The following CNTNAP3B variants were observed in gnomAD, a reference collection of about 807,000 sequenced individuals.
CNTNAP3B encodes contactin associated protein family member 3B.
Under a neutral mutation model 108.9 loss-of-function variants are expected in CNTNAP3B, and 25 were observed. That is an observed-to-expected ratio of 0.23 (90% CI 0.17 to 0.32). The LOEUF (loss-of-function observed/expected upper bound fraction) is 0.32. Ranked by LOEUF, CNTNAP3B falls within the 10% of genes least tolerant of loss-of-function variation. CNTNAP3B has a pLI of 1.00. For missense variants in CNTNAP3B, 252 were observed against 1,210.4 expected (o/e 0.21, Z 11.75); for synonymous variants, 103 against 473.4 (o/e 0.22, Z 10.16).
At chr9:41,995,558 AC>A (rs1213722468) in intron 7 of CNTNAP3B, among the ~76,000 whole-genome samples, 1 of 134,076 alleles carries the variant, frequency 7.5e-6, no homozygotes, top group African/African-American at 3.0e-5. Context: ...ACATGGTGAA[AC>A]CCCGTCTCTA....
Position 42,086,090 on chromosome 9 carries a change from T to C in CNTNAP3B, c.197-9028A>G, listed in dbSNP as rs1238502456. On this transcript the variant is annotated intron_variant, in intron 2 of 23. Coordinates refer to ENST00000377561, the MANE Select transcript of CNTNAP3B (RefSeq NM_001201380.3). ...TAATGGATTCACATTTCCATGTGGCTGAGGAGGCCTCACAATCATGGCAGA... is the reference window on the plus strand; with the variant it reads ...TAATGGATTCACATTTCCATGTGGCCGAGGAGGCCTCACAATCATGGCAGA... 1.4e-5 allele frequency among the ~76,000 whole-genome samples: 2 copies of C among 140,354 alleles called. 1 individual carries two copies. Among genetic ancestry groups the C allele is most frequent in the Middle Eastern group, 6.6e-3 (2 of 304 alleles). The allele number at this position is 140,354 out of a possible 152,430, so 92.1% of individuals were successfully genotyped here. A position where few individuals can be genotyped will look rare whatever the true frequency, so the allele number is the denominator to read the frequency against.
Position 42,129,157 on chromosome 9 carries a change from C to T in CNTNAP3B, c.-63G>A. 6.6e-7 allele frequency: 1 copy of T among 1,507,144 alleles called. No homozygotes were observed. Among genetic ancestry groups the T allele is most frequent in the Non-Finnish European group, 8.9e-7 (1 of 1,120,878 alleles). The allele number at this position is 1,507,144 out of a possible 1,614,324, so 93.4% of individuals were successfully genotyped here. ...CGACGGCCGCTCTGCGTCGTTCCTG[C>T]TCTCACTCCCGCTCTCACTCCCGTC... On this transcript the variant is annotated 5_prime_UTR_variant, in exon 1 of 24. Transcript: ENST00000377561.
chr9:42,076,743 CA>C lies in CNTNAP3B; in HGVS notation c.390+125del, dbSNP rs2118614192. ...TATTTAATGGTATAAGATTCTCTTT[CA>C]ATGCTTTCAATGAAATAGGTATCTT... On this transcript the variant is annotated intron_variant, in intron 3 of 23. Coordinates refer to ENST00000377561, the MANE Select transcript of CNTNAP3B (RefSeq NM_001201380.3). The C allele has an allele frequency of 3.4e-6, 2 of 593,888 alleles. 1 individual carries two copies. The highest frequency in any genetic ancestry group is 4.3e-5 in the South Asian group (2 of 46,516). 36.8% of individuals were successfully genotyped at this position (593,888 alleles called of 1,614,324 possible).
At chr9:41,968,689 C>T (rs1460799165) in intron 10 of CNTNAP3B, among the ~76,000 whole-genome samples, 1 of 141,732 alleles carries the variant, frequency 7.1e-6, no homozygotes. Flanking sequence ...AAATTAAAAC[C>T]TGTTTAGCCA....
At chr9:42,044,478 T>A (rs1826827269) in intron 3 of CNTNAP3B, among the ~76,000 whole-genome samples, 1 of 131,232 alleles carries the variant, frequency 7.6e-6, no homozygotes, top group Non-Finnish European at 1.6e-5. Flanking sequence ...AATAGCCTTT[T>A]ATGGGGATTC....
At chr9:42,071,205 G>A (rs1345679543) in intron 3 of CNTNAP3B, among the ~76,000 whole-genome samples, 1 of 145,196 alleles carries the variant, frequency 6.9e-6, no homozygotes, top group African/African-American at 2.7e-5. Context: ...GGCGGGTGGG[G>A]TGGGGAGGGC....
At chr9:41,933,667 A>T (rs1436791965) in intron 14 of CNTNAP3B, among the ~76,000 whole-genome samples, 2 of 152,250 alleles carry the variant, frequency 1.3e-5, no homozygotes, top group Admixed American at 1.3e-4. Context: ...ATATTTCTTT[A>T]TATTATTTTG....
At position 42,075,696 on chromosome 9, in the gene CNTNAP3B, C is replaced by T. The variant is rs1000076866; in HGVS notation, c.390+1173G>A. 1.2e-4 allele frequency among the ~76,000 whole-genome samples: 16 copies of T among 128,216 alleles called. No homozygotes were observed. In the East Asian group the frequency reaches 3.1e-3, roughly 25 times the overall value. 84.1% of individuals were successfully genotyped at this position (128,216 alleles called of 152,430 possible). ...GGAAGAAAGAGCCAAATTACAAATA[C>T]GATGCAGACTCTATATGAGTCTTCT... On this transcript the variant is annotated intron_variant, in intron 3 of 23. Transcript: ENST00000377561.
chr9:41,940,314 GAAACA>G (rs1257253265), intron 13 of CNTNAP3B, among the ~76,000 whole-genome samples: 2 of 152,374 alleles, frequency 1.3e-5, no homozygotes, highest in African/African-American at 2.4e-5. Flanking sequence ...GAACTTTTTG[GAAACA>G]AAACAAAACA....
chr9:41,933,261 G>A (rs879847798), intron 14 of CNTNAP3B, among the ~76,000 whole-genome samples: 3 of 152,292 alleles, frequency 2.0e-5, no homozygotes, highest in Non-Finnish European at 2.9e-5. Flanking sequence ...AGGATGCTCA[G>A]CAGCACCCTG....
Position 42,042,308 on chromosome 9 carries a change from G to A in CNTNAP3B, c.391-28783C>T, listed in dbSNP as rs1587224500. Among the ~76,000 whole-genome samples, 4 of 121,496 alleles carry A rather than the reference G, an allele frequency of 3.3e-5. 1 individual carries two copies. The East Asian group carries it at 1.2e-3, about 36-fold the overall frequency. The allele number at this position is 121,496 out of a possible 152,430, so 79.7% of individuals were successfully genotyped here. On this transcript the variant is annotated intron_variant, in intron 3 of 23. Transcript: ENST00000377561. ...CCTGTTCTAGATAGATAAACCTCTAGATATTAGAGAGTTGTCAATTTTCGC... is the reference window on the plus strand; with the variant it reads ...CCTGTTCTAGATAGATAAACCTCTAAATATTAGAGAGTTGTCAATTTTCGC...
chr9:42,103,185 A>G (rs1320777553), intron 2 of CNTNAP3B, among the ~76,000 whole-genome samples: 1 of 137,762 alleles, frequency 7.3e-6, no homozygotes, highest in Non-Finnish European at 1.5e-5. Flanking sequence ...GATAATGACC[A>G]TCCACTGAGG....
At chr9:42,089,718 C>A (rs1211286997) in intron 2 of CNTNAP3B, among the ~76,000 whole-genome samples, 1 of 147,768 alleles carries the variant, frequency 6.8e-6, no homozygotes, top group Non-Finnish European at 1.5e-5. Flanking sequence ...CATGGAAGGA[C>A]ATCTGAATAG....
chr9:42,070,685 G>C (rs551981147), intron 3 of CNTNAP3B, among the ~76,000 whole-genome samples: 3 of 152,142 alleles, frequency 2.0e-5, no homozygotes, highest in Admixed American at 6.5e-5. Context: ...AGCAGGTACC[G>C]AGTCAGTCCA....
chr9:42,120,431 T>G (rs1828434546), intron 1 of CNTNAP3B, among the ~76,000 whole-genome samples: 2 of 138,012 alleles, frequency 1.4e-5, no homozygotes, highest in African/African-American at 5.8e-5. Flanking sequence ...CTCAGGGATC[T>G]AGAACTAGAA....
chr9:41,960,151 C>A, intron 12 of CNTNAP3B: 1 of 157,700 alleles, frequency 6.3e-6, no homozygotes, highest in Non-Finnish European at 1.4e-5. Context: ...GTGTGGGCGC[C>A]ACCATGCCCA....
chr9:42,035,807 G>A (rs1416764101), intron 3 of CNTNAP3B, among the ~76,000 whole-genome samples: 13 of 149,082 alleles, frequency 8.7e-5, no homozygotes, highest in Admixed American at 6.7e-4. Flanking sequence ...ACAGGTGTGT[G>A]CCACTATGCC....
chr9:41,935,597 G>T (rs1162226895), intron 14 of CNTNAP3B, among the ~76,000 whole-genome samples: 2 of 152,266 alleles, frequency 1.3e-5, no homozygotes, highest in Middle Eastern at 3.2e-3. Context: ...AATTAAAATA[G>T]AAATTGTAAT....
chr9:41,918,920 T>C (rs1389602694), intron 18 of CNTNAP3B, among the ~76,000 whole-genome samples: 1 of 148,004 alleles, frequency 6.8e-6, no homozygotes, highest in Admixed American at 6.7e-5. Flanking sequence ...AGATAATGAA[T>C]CCTCAAAATT....
Sources: allele counts gnomAD v4.1 joint callset (sites outside exome capture counted in the v4.1 genomes callset), GRCh38; gene constraint gnomAD v4.1.1; transcripts MANE v1.5; gene names NCBI Gene and HGNC (gene_info 2026-07-23, HGNC 2026-07-21).